Variants in DCDC1 observed in about 807,000 individuals in gnomAD.
DCDC1 encodes doublecortin domain-containing protein 1.
In DCDC1, 200 loss-of-function variants were observed where a neutral mutation model predicts 178.3. The observed-to-expected ratio is 1.12, with a 90% confidence interval of 1.00 to 1.26. DCDC1 has a LOEUF of 1.26. Ranked by LOEUF, DCDC1 falls within the 50% of genes most tolerant of loss-of-function variation. The pLI, the probability that DCDC1 is intolerant of heterozygous loss-of-function variation, is 0.00. For synonymous variants in DCDC1, 690 were observed against 604.8 expected (o/e 1.14, Z -2.07); for missense variants, 1,983 against 1,749.2 (o/e 1.13, Z -2.38).
At chr11:30,996,059 A>G (rs973706577) in intron 20 of DCDC1, among the ~76,000 whole-genome samples, 4 of 151,924 alleles carry the variant, frequency 2.6e-5, no homozygotes, top group Admixed American at 1.3e-4. Context: ...ATGAACTCTA[A>G]AATTCAGCAA....
At chr11:31,173,453 T>G (rs1238793903) in intron 9 of DCDC1, among the ~76,000 whole-genome samples, 6 of 152,230 alleles carry the variant, frequency 3.9e-5, no homozygotes, top group African/African-American at 7.2e-5. Flanking sequence ...CTCCAACACT[T>G]ATTTCAGTAA....
intron 17 of DCDC1, among the ~76,000 whole-genome samples, chr11:31,082,912 T>C (rs138223019): frequency 6.6e-6 from 1 of 152,166 alleles, no homozygotes; most frequent in African/African-American, 2.4e-5. Context: ...ATTCATAACA[T>C]AGTAAGAACA....
chr11:31,348,412 C>T (rs1029922444), intron 1 of DCDC1, among the ~76,000 whole-genome samples: 3 of 152,184 alleles, frequency 2.0e-5, no homozygotes, highest in Non-Finnish European at 4.4e-5. Flanking sequence ...GATATTACCT[C>T]TCAAAGGCCA....
intron 20 of DCDC1, among the ~76,000 whole-genome samples, chr11:31,059,921 A>G (rs146157092): frequency 6.6e-6 from 1 of 152,052 alleles, no homozygotes; most frequent in African/African-American, 2.4e-5. Flanking sequence ...AGACATGATC[A>G]TTATTTGTCT....
intron 2 of DCDC1, among the ~76,000 whole-genome samples, chr11:31,331,196 G>A (rs1356217744): frequency 1.3e-5 from 2 of 152,004 alleles, no homozygotes; most frequent in Admixed American, 1.3e-4. Context: ...TGTTATTGGT[G>A]TATAAAAATG....
intron 7 of DCDC1, chr11:31,280,573 C>G: frequency 3.3e-6 from 1 of 303,244 alleles, no homozygotes; most frequent in Admixed American, 4.2e-5. Context: ...CATTCATGAC[C>G]TGAATTCTGG....
chr11:31,116,021 T>A, intron 11 of DCDC1, among the ~76,000 whole-genome samples: 2 of 118,724 alleles, frequency 1.7e-5, no homozygotes, highest in Non-Finnish European at 1.8e-5. Context: ...TGAGAGGGAA[T>A]CTGGGCAGTG....
intron 11 of DCDC1, among the ~76,000 whole-genome samples, chr11:31,126,538 T>C (rs951807768): frequency 2.6e-5 from 4 of 152,224 alleles, no homozygotes; most frequent in African/African-American, 9.6e-5. Context: ...TTTCTAATGT[T>C]ACTTGCAGAA....
In DCDC1 at chr11:31,017,549, G is replaced by T. The variant is rs1448468819; in HGVS notation, c.2591+46920C>A. Among the ~76,000 whole-genome samples the T allele has an allele frequency of 1.3e-4, 19 of 148,860 alleles. 1 individual carries two copies. The highest frequency in any genetic ancestry group is 2.0e-4 in the East Asian group (1 of 5,126). ...ACTACAGTTATTTTATTTATCAATGGTAAAAAAAAAAACCTATCTGTTTTC... is the reference window on the plus strand; with the variant it reads ...ACTACAGTTATTTTATTTATCAATGTTAAAAAAAAAAACCTATCTGTTTTC... On this transcript the variant is annotated intron_variant, in intron 20 of 38. Transcript: ENST00000684477.
At chr11:31,186,509 C>T (rs960781379) in intron 9 of DCDC1, among the ~76,000 whole-genome samples, 4 of 152,300 alleles carry the variant, frequency 2.6e-5, no homozygotes, top group African/African-American at 9.6e-5. Context: ...CAGCCATAGC[C>T]TTGCTTTCTT....
Position 31,000,143 on chromosome 11 carries a change from T to C in DCDC1, c.2592-47575A>G, listed in dbSNP as rs184890748. Reference sequence around the variant, plus strand: ...TAAAAAATCATCTGGTTAAGAGTAATGAATCTTCCTTCAGACAAACATTGA... The same window carrying C: ...TAAAAAATCATCTGGTTAAGAGTAACGAATCTTCCTTCAGACAAACATTGA... On this transcript the variant is annotated intron_variant, in intron 20 of 38. Coordinates refer to ENST00000684477, the MANE Select transcript of DCDC1 (RefSeq NM_001387274.1). Among the ~76,000 whole-genome samples, 24 of 152,324 alleles carry C rather than the reference T, an allele frequency of 1.6e-4. No individual in the cohort carries two copies. In the East Asian group the frequency reaches 4.2e-3, roughly 27 times the overall value.
At chr11:31,205,859 T>C (rs1971804626) in intron 9 of DCDC1, among the ~76,000 whole-genome samples, 1 of 152,148 alleles carries the variant, frequency 6.6e-6, no homozygotes, top group Admixed American at 6.5e-5. Flanking sequence ...TTATTTGCTG[T>C]TTATCTGAAT....
chr11:31,057,985 C>G (rs1209033597), intron 20 of DCDC1, among the ~76,000 whole-genome samples: 5 of 152,092 alleles, frequency 3.3e-5, no homozygotes, highest in Admixed American at 1.3e-4. Context: ...GTGGGGACAG[C>G]TCTGTGAGGC....
At chr11:31,047,965 T>C (rs1309959362) in intron 20 of DCDC1, among the ~76,000 whole-genome samples, 1 of 152,234 alleles carries the variant, frequency 6.6e-6, no homozygotes, top group Non-Finnish European at 1.5e-5. Flanking sequence ...CACATTATTA[T>C]TGTCATACAA....
At chr11:31,331,898 T>A (rs1950010775) in intron 2 of DCDC1, among the ~76,000 whole-genome samples, 1 of 152,176 alleles carries the variant, frequency 6.6e-6, no homozygotes, top group Non-Finnish European at 1.5e-5. Flanking sequence ...CCTCATAAAA[T>A]GAGTTAGGGA....
intron 9 of DCDC1, among the ~76,000 whole-genome samples, chr11:31,147,239 A>G (rs925723441): frequency 2.0e-5 from 3 of 152,174 alleles, no homozygotes; most frequent in African/African-American, 7.2e-5. Context: ...TCACTCCAGC[A>G]AAGGTTCAAC....
chr11:31,357,542 C>T (rs1951448891), intron 1 of DCDC1, among the ~76,000 whole-genome samples: 1 of 152,196 alleles, frequency 6.6e-6, no homozygotes, highest in Admixed American at 6.5e-5. Flanking sequence ...CAGGGATGCC[C>T]TCTCTCACCA....
chr11:31,214,484 G>A (rs1170329209), intron 9 of DCDC1, among the ~76,000 whole-genome samples: 1 of 152,092 alleles, frequency 6.6e-6, no homozygotes, highest in Non-Finnish European at 1.5e-5. Context: ...GGAATTATCA[G>A]TGGGCCTGAG....
At chr11:31,114,811 A>T (rs1363793517) in intron 11 of DCDC1, among the ~76,000 whole-genome samples, 1 of 152,152 alleles carries the variant, frequency 6.6e-6, no homozygotes, top group Non-Finnish European at 1.5e-5. Context: ...CACATTTTTT[A>T]AAAGGATCAT....
Sources: allele counts gnomAD v4.1 joint callset (sites outside exome capture counted in the v4.1 genomes callset), GRCh38; gene constraint gnomAD v4.1.1; transcripts MANE v1.5; gene names NCBI Gene and HGNC (gene_info 2026-07-23, HGNC 2026-07-21).